The following ATP6V1H variants were observed in gnomAD, a reference collection of about 807,000 sequenced individuals.
ATP6V1H encodes V-type proton ATPase subunit H.
ATP6V1H carries 39 observed loss-of-function variants against 71.7 expected under a neutral mutation model. That is an observed-to-expected ratio of 0.54 (90% CI 0.42 to 0.71). The LOEUF (loss-of-function observed/expected upper bound fraction) is 0.71. Ranked by LOEUF, ATP6V1H falls within the 30% of genes least tolerant of loss-of-function variation. The probability of loss-of-function intolerance (pLI) is 0.00; values close to 1 mark genes in which losing one functional copy is unlikely to be tolerated. For missense variants in ATP6V1H, 509 were observed against 594.9 expected (o/e 0.86, Z 1.50); for synonymous variants, 192 against 199.3 (o/e 0.96, Z 0.31).
At chr8:53,841,126 T>C (rs753505842) in intron 2 of ATP6V1H, among the ~76,000 whole-genome samples, 64 of 152,354 alleles carry the variant, frequency 4.2e-4, no homozygotes, top group Middle Eastern at 6.8e-3. Context: ...ACCAAACTAA[T>C]AGCAAGAACC....
In ATP6V1H at chr8:53,751,724, C is replaced by T. The variant is rs149277837; in HGVS notation, c.1277+4831G>A. Among the ~76,000 whole-genome samples the T allele has an allele frequency of 1.7e-4, 25 of 150,638 alleles. 1 individual carries two copies. In the East Asian group the frequency reaches 4.9e-3, roughly 30 times the overall value. ...TCGCTGTGTCACCCAGATTAGAGTA[C>T]AGTCGCGCAGCCTAGGCTCACTGCA... On this transcript the variant is annotated intron_variant, in intron 12 of 13. Transcript: ENST00000359530.
chr8:53,733,178 C>G (rs1807083889), intron 13 of ATP6V1H, among the ~76,000 whole-genome samples: 1 of 152,226 alleles, frequency 6.6e-6, no homozygotes, highest in Admixed American at 6.5e-5. Context: ...TGACTGCCGC[C>G]AGCTGCTCAT....
At chr8:53,799,934 A>G (rs977433553) in intron 8 of ATP6V1H, among the ~76,000 whole-genome samples, 1 of 152,160 alleles carries the variant, frequency 6.6e-6, no homozygotes, top group African/African-American at 2.4e-5. Context: ...GTGAGAAGTA[A>G]GTTTCCATTG....
At chr8:53,803,826 G>A (rs1371014192) in intron 7 of ATP6V1H, among the ~76,000 whole-genome samples, 1 of 152,054 alleles carries the variant, frequency 6.6e-6, no homozygotes, top group Non-Finnish European at 1.5e-5. Flanking sequence ...TTCTAAAGAA[G>A]AGGAATCCCA....
At chr8:53,841,141 C>T (rs1373969450) in intron 2 of ATP6V1H, among the ~76,000 whole-genome samples, 1 of 152,200 alleles carries the variant, frequency 6.6e-6, no homozygotes. Context: ...AGAACCAAAA[C>T]TCAAATCCAA....
intron 3 of ATP6V1H, chr8:53,831,799 A>G (rs1811017620): frequency 7.9e-6 from 1 of 127,012 alleles, no homozygotes; most frequent in African/African-American, 3.1e-5. Context: ...AAGTTTTACC[A>G]TGTTGGCCAG....
intron 3 of ATP6V1H, among the ~76,000 whole-genome samples, chr8:53,829,971 G>C (rs2130520144): frequency 6.6e-6 from 1 of 152,198 alleles, no homozygotes; most frequent in East Asian, 1.9e-4. Flanking sequence ...TCAACTACAT[G>C]ACAACCTCTC....
intron 12 of ATP6V1H, among the ~76,000 whole-genome samples, chr8:53,754,028 A>G (rs1371851665): frequency 6.6e-6 from 1 of 152,186 alleles, no homozygotes; most frequent in Admixed American, 6.5e-5. Flanking sequence ...ACAAGTGAAC[A>G]TAAAGGAAGC....
chr8:53,727,131 C>T (rs1458572433), intron 13 of ATP6V1H, among the ~76,000 whole-genome samples: 1 of 152,228 alleles, frequency 6.6e-6, no homozygotes, highest in African/African-American at 2.4e-5. Context: ...GACAGTCCCA[C>T]CTGGTTACTT....
At chr8:53,801,397 T>C (rs1031050660) in intron 8 of ATP6V1H, among the ~76,000 whole-genome samples, 1 of 152,256 alleles carries the variant, frequency 6.6e-6, no homozygotes, top group Non-Finnish European at 1.5e-5. Context: ...TCAAAGTTTC[T>C]ATACCTGCAA....
intron 13 of ATP6V1H, among the ~76,000 whole-genome samples, chr8:53,732,003 T>C (rs761819299): frequency 1.3e-5 from 2 of 152,244 alleles, no homozygotes; most frequent in Non-Finnish European, 2.9e-5. Flanking sequence ...ACATCTGGAA[T>C]ATGGTAAGAC....
intron 8 of ATP6V1H, among the ~76,000 whole-genome samples, chr8:53,801,463 T>C (rs1809906385): frequency 6.6e-6 from 1 of 152,204 alleles, no homozygotes; most frequent in Non-Finnish European, 1.5e-5. Flanking sequence ...GAAAGGCTTA[T>C]ATTCACTCTT....
intron 13 of ATP6V1H, 99 bp from the exon 14 acceptor site, chr8:53,716,123 T>A (rs1806415904): frequency 1.1e-6 from 1 of 891,002 alleles, no homozygotes; most frequent in Non-Finnish European, 1.7e-6. Flanking sequence ...ATACTTACTT[T>A]AACATCCAAA....
intron 1 of ATP6V1H, 57 bp from the exon 2 acceptor site, chr8:53,841,782 T>C (rs1210437988): frequency 6.9e-7 from 1 of 1,453,770 alleles, no homozygotes; most frequent in African/African-American, 1.4e-5. Context: ...TTTTTACAAC[T>C]ATTAATATTA....
chr8:53,736,205 T>TA (rs1441191337), intron 13 of ATP6V1H, among the ~76,000 whole-genome samples: 1 of 152,174 alleles, frequency 6.6e-6, no homozygotes, highest in African/African-American at 2.4e-5. Flanking sequence ...ACTGTACACA[T>TA]ACTACTTAGT....
At chr8:53,834,917 G>A (rs756624325) in intron 2 of ATP6V1H, among the ~76,000 whole-genome samples, 5 of 152,078 alleles carry the variant, frequency 3.3e-5, no homozygotes, top group Non-Finnish European at 7.4e-5. Flanking sequence ...CAAGATGGGG[G>A]GACCCCTTGG....
chr8:53,814,173 T>C (rs1810371602), intron 6 of ATP6V1H, among the ~76,000 whole-genome samples: 1 of 152,150 alleles, frequency 6.6e-6, no homozygotes, highest in Non-Finnish European at 1.5e-5. Context: ...CACTCGAATC[T>C]TTCAGAGAGC....
intron 11 of ATP6V1H, among the ~76,000 whole-genome samples, chr8:53,758,640 G>A (rs951991923): frequency 2.0e-5 from 3 of 152,186 alleles, no homozygotes; most frequent in Non-Finnish European, 4.4e-5. Context: ...TATGCTCCCA[G>A]GTAGCCATCT....
At chr8:53,821,794 A>G (rs1810672332) in intron 4 of ATP6V1H, among the ~76,000 whole-genome samples, 1 of 152,194 alleles carries the variant, frequency 6.6e-6, no homozygotes, top group South Asian at 2.1e-4. Context: ...ATACAAAACT[A>G]CCATAAAAAG....
Sources: gnomAD v4.1 joint callset for allele counts (sites outside exome capture counted in the v4.1 genomes callset) on GRCh38, gnomAD v4.1.1 for gene constraint, MANE v1.5 for transcripts, NCBI Gene and HGNC (gene_info 2026-07-23, HGNC 2026-07-21) for gene names.